IL23A: variants seen among roughly 807,000 people sequenced by gnomAD.
IL23A encodes interleukin-23 subunit alpha.
In IL23A, 16 loss-of-function variants were observed where a neutral mutation model predicts 20.7. The observed-to-expected ratio is 0.77, with a 90% CI of 0.52 to 1.17. The LOEUF (loss-of-function observed/expected upper bound fraction) is 1.17. IL23A is among the 50% of genes most tolerant of loss of function. IL23A has a pLI of 0.00. For synonymous variants in IL23A, 80 were observed against 88.7 expected (o/e 0.90, Z 0.55); for missense variants, 175 against 229.5 (o/e 0.76, Z 1.53).
intron 3 of IL23A, 39 bp downstream of exon 3, chr12:56,339,876 G>C: frequency 2.5e-6 from 4 of 1,609,768 alleles, no homozygotes; most frequent in Non-Finnish European, 3.4e-6. Flanking sequence ...GCTTGCAGGT[G>C]TCAGAGACAG....
In IL23A at chr12:56,338,951, A is replaced by T; in HGVS notation, c.-94A>T. ...CAAACCAGAGACGCGCTGAACAGAG[A>T]GAATCAGGCTCAAAGCAAGTGGAAG... On this transcript the variant is annotated 5_prime_UTR_variant, in exon 1 of 4. Transcript: ENST00000228534. 9.4e-7 allele frequency: 1 copy of T among 1,065,902 alleles called. No individual in the cohort carries two copies. Among genetic ancestry groups the T allele is most frequent in the African/African-American group, 1.6e-5 (1 of 61,676 alleles). The allele number at this position is 1,065,902 out of a possible 1,614,324, so 66.0% of individuals were successfully genotyped here.
chr12:56,339,138 C>A lies in IL23A; in HGVS notation c.94C>A (p.Gln32Lys). 6.3e-7 allele frequency: 1 copy of A among 1,587,716 alleles called. No homozygotes were observed. The highest frequency in any genetic ancestry group is 8.6e-7 in the Non-Finnish European group (1 of 1,163,342). ...TGGGGGCAGCAGCCCTGCCTGGACT[C>A]AGTGCCAGCAGCTTTCACAGAAGCT... ...VPGGSSPAWT[Q>K]CQQLSQKLCT... The change falls in exon 1 of 4, where the codon CAG becomes AAG. Residue 32 changes from glutamine to lysine, a missense_variant. By Grantham distance (53) the Gln-to-Lys change is moderately conservative. Transcript: ENST00000228534.
intron 1 of IL23A, 35 bp from the exon 2 acceptor site, chr12:56,339,391 C>G (rs200416627): frequency 1.3e-5 from 20 of 1,518,910 alleles, no homozygotes; most frequent in Non-Finnish European, 1.8e-5. Context: ...TACTATCTTA[C>G]TTCTTCATTC....
chr12:56,340,047 C>CT lies in IL23A; in HGVS notation c.516dup (p.Val173CysfsTer37). 1 of 1,614,200 alleles carries CT rather than the reference C, an allele frequency of 6.2e-7. No homozygotes were observed. The highest frequency in any genetic ancestry group is 8.5e-7 in the Non-Finnish European group (1 of 1,180,038). On this transcript the variant is annotated frameshift_variant, in exon 4 of 4. Coordinates refer to ENST00000228534, the MANE Select transcript of IL23A (RefSeq NM_016584.3). LOFTEE classifies it high-confidence loss of function. ...TCAAAATCCTTCGCAGCCTCCAGGC[C>CT]TTTGTGGCTGTAGCCGCCCGGGTCT...
At position 56,340,166 on chromosome 12, in the gene IL23A, C is replaced by T. The variant is rs1565642576; in HGVS notation, c.*62C>T. The T allele has an allele frequency of 6.5e-7, 1 of 1,547,312 alleles. No individual in the cohort carries two copies. ...GCCCAGCAAGGCCAAGATAAATCTA[C>T]CACCCCAGGCACCTGTGAGCCAACA... On this transcript the variant is annotated 3_prime_UTR_variant, in exon 4 of 4. Coordinates refer to ENST00000228534, the MANE Select transcript of IL23A (RefSeq NM_016584.3).
rs762696858 is a variant in IL23A, at chr12:56,339,079, T to C, written c.35T>C (p.Leu12Pro). 5.5e-6 allele frequency: 8 copies of C among 1,454,808 alleles called. No individual in the cohort carries two copies. The highest frequency in any genetic ancestry group is 7.3e-6 in the Non-Finnish European group (8 of 1,096,302). 90.1% of individuals were successfully genotyped at this position (1,454,808 alleles called of 1,614,324 possible). ...AGCAGAGCTGTAATGCTGCTGTTGCTGCTGCCCTGGACAGCTCAGGGCAGA... is the reference window on the plus strand; with the variant it reads ...AGCAGAGCTGTAATGCTGCTGTTGCCGCTGCCCTGGACAGCTCAGGGCAGA... ...LGSRAVMLLLLLPWTAQGRAV... is the reference protein window; with the variant it reads ...LGSRAVMLLLPLPWTAQGRAV... The change falls in exon 1 of 4, where the codon CTG becomes CCG. Residue 12 changes from leucine to proline, a missense_variant. By Grantham distance (98) the Leu-to-Pro change is moderately conservative. Coordinates refer to ENST00000228534, the MANE Select transcript of IL23A (RefSeq NM_016584.3).
Position 56,339,472 on chromosome 12 carries a change from A to G in IL23A, c.209A>G (p.His70Arg), listed in dbSNP as rs1475804434. The G allele has an allele frequency of 6.2e-7, 1 of 1,612,948 alleles. No homozygotes were observed. The highest frequency in any genetic ancestry group is 8.5e-7 in the Non-Finnish European group (1 of 1,179,022). The change falls in exon 2 of 4, where the codon CAT becomes CGT. Residue 70 changes from histidine (H) to arginine (R), a missense_variant. Transcript: ENST00000228534. Reference protein sequence around the residue: ...GDEETTNDVPHIQCGDGCDPQ... With the variant: ...GDEETTNDVPRIQCGDGCDPQ... ...GAAGAGACTACAAATGATGTTCCCC[A>G]TATCCAGTGTGGAGATGGCTGTGAC...
Position 56,339,158 on chromosome 12 carries a change from G to A in IL23A, c.114G>A (p.Gln38=). Residue 38 remains glutamine (Q), a synonymous_variant, in exon 1 of 4, where the codon CAG becomes CAA. Coordinates refer to ENST00000228534, the MANE Select transcript of IL23A (RefSeq NM_016584.3). ...PAWTQCQQLS[Q]KLCTLAWSAH... ...GGACTCAGTGCCAGCAGCTTTCACA[G>A]AAGCTCTGCACACTGGCCTGGAGTG... The A allele has an allele frequency of 6.3e-7, 1 of 1,581,640 alleles. No individual in the cohort carries two copies. Among genetic ancestry groups the A allele is most frequent in the South Asian group, 1.1e-5 (1 of 87,364 alleles).
Position 56,339,991 on chromosome 12 carries a change from A to G in IL23A, c.457A>G (p.Ser153Gly). The change falls in exon 4 of 4, where the codon AGC (serine) becomes GGC (glycine). Residue 153 changes from serine to glycine, a missense_variant. Coordinates refer to ENST00000228534, the MANE Select transcript of IL23A (RefSeq NM_016584.3). ...TCAGCAGATTCCAAGCCTCAGTCCC[A>G]GCCAGCCATGGCAGCGTCTCCTTCT... ...ETQQIPSLSPSQPWQRLLLRF... is the reference protein window; with the variant it reads ...ETQQIPSLSPGQPWQRLLLRF... 2 of 1,614,190 alleles carry G rather than the reference A, an allele frequency of 1.2e-6. No homozygotes were observed. Among genetic ancestry groups the G allele is most frequent in the Non-Finnish European group, 1.7e-6 (2 of 1,180,002 alleles).
At chr12:56,339,572 A>G (rs756303469) in intron 2 of IL23A, 48 bp downstream of exon 2, 1 of 1,586,738 alleles carries the variant, frequency 6.3e-7, no homozygotes, top group Non-Finnish European at 8.7e-7. Flanking sequence ...GACTGAGAAC[A>G]TGGCTGGGTA....
At chr12:56,339,877 TCAGAGACAGAGGG>T in intron 3 of IL23A, 40 bp downstream of exon 3, 2 of 1,609,746 alleles carry the variant, frequency 1.2e-6, no homozygotes, top group Non-Finnish European at 1.7e-6. Context: ...CTTGCAGGTG[TCAGAGACAGAGGG>T]TTGGGGGTTA....
Position 56,339,748 on chromosome 12 carries a change from G to T in IL23A, c.319G>T (p.Asp107Tyr). ...LIFYEKLLGS[D>Y]IFTGEPSLLP... ...TTTTTATGAGAAGCTGCTAGGATCG[G>T]ATATTTTCACAGGGGAGCCTTCTCT... The change falls in exon 3 of 4, where the codon GAT (aspartate) becomes TAT (tyrosine). Residue 107 changes from aspartate (D) to tyrosine (Y), a missense_variant. Physicochemically the swap from Asp to Tyr is radical, Grantham distance 160. Transcript: ENST00000228534. 1 of 1,614,072 alleles carries T rather than the reference G, an allele frequency of 6.2e-7. No homozygotes were observed.
intron 3 of IL23A, 35 bp from the exon 4 acceptor site, chr12:56,339,906 TTA>T (rs1160461810): frequency 6.2e-7 from 1 of 1,612,890 alleles, no homozygotes; most frequent in East Asian, 2.2e-5. Context: ...GGTTAAGGGT[TTA>T]GAGTCTTCTC....
In IL23A at chr12:56,339,966, T is replaced by G. The variant is rs771313436; in HGVS notation, c.432T>G (p.Thr144=). 1.2e-6 allele frequency: 2 copies of G among 1,614,162 alleles called. No homozygotes were observed. The highest frequency in any genetic ancestry group is 1.7e-5 in the Admixed American group (1 of 60,026). Reference sequence around the variant, plus strand: ...AGCCTGAGGGTCACCACTGGGAGACTCAGCAGATTCCAAGCCTCAGTCCCA... The same window carrying G: ...AGCCTGAGGGTCACCACTGGGAGACGCAGCAGATTCCAAGCCTCAGTCCCA... ...LLQPEGHHWE[T]QQIPSLSPSQ... is the part of the protein sequence containing the mutation. The change falls in exon 4 of 4, where the codon ACT becomes ACG. Residue 144 remains threonine (T), a synonymous_variant. Transcript: ENST00000228534.
In IL23A at chr12:56,340,231, T is replaced by C; in HGVS notation, c.*127T>C. The C allele has an allele frequency of 1.1e-6, 1 of 917,856 alleles. No homozygotes were observed. The allele number at this position is 917,856 out of a possible 1,614,324, so 56.9% of individuals were successfully genotyped here. A position where few individuals can be genotyped will look rare whatever the true frequency, so the allele number is the denominator to read the frequency against. On this transcript the variant is annotated 3_prime_UTR_variant, in exon 4 of 4. Coordinates refer to ENST00000228534, the MANE Select transcript of IL23A (RefSeq NM_016584.3). Reference sequence around the variant, plus strand: ...TTAATTTTAGTGGGACCTGCATATGTTGAAAATTACCAATACTGACTGACA... The same window carrying C: ...TTAATTTTAGTGGGACCTGCATATGCTGAAAATTACCAATACTGACTGACA...
At position 56,340,193 on chromosome 12, in the gene IL23A, GTTAA is replaced by G; in HGVS notation, c.*93_*96del. 1 of 1,353,896 alleles carries G rather than the reference GTTAA, an allele frequency of 7.4e-7. No homozygotes were observed. The allele number at this position is 1,353,896 out of a possible 1,614,324, so 83.9% of individuals were successfully genotyped here. On this transcript the variant is annotated 3_prime_UTR_variant, in exon 4 of 4. Coordinates refer to ENST00000228534, the MANE Select transcript of IL23A (RefSeq NM_016584.3). ...ACCCCAGGCACCTGTGAGCCAACAGGTTAATTAGTCCATTAATTTTAGTGGGACC... is the reference window on the plus strand; with the variant it reads ...ACCCCAGGCACCTGTGAGCCAACAGGTTAGTCCATTAATTTTAGTGGGACC...
chr12:56,339,260 C>A, intron 1 of IL23A, 54 bp downstream of exon 1: 1 of 1,523,956 alleles, frequency 6.6e-7, no homozygotes, highest in Non-Finnish European at 8.9e-7. Context: ...AAGGCTGTGG[C>A]AGAAGACCGT....
rs145233794 is a variant in IL23A, at chr12:56,339,085, C to T, written c.41C>T (p.Pro14Leu). The stretch of plus-strand genomic sequence containing the variant: ...GCTGTAATGCTGCTGTTGCTGCTGC[C>T]CTGGACAGCTCAGGGCAGAGCTGTG... ...SRAVMLLLLL[P>L]WTAQGRAVPG... is the part of the protein sequence containing the mutation. Residue 14 changes from proline to leucine, a missense_variant, in exon 1 of 4, where the codon CCC becomes CTC. Coordinates refer to ENST00000228534, the MANE Select transcript of IL23A (RefSeq NM_016584.3). 1.1e-4 allele frequency: 169 copies of T among 1,521,564 alleles called. 1 individual carries two copies. The South Asian group carries it at 1.5e-3, about 13-fold the overall frequency. The allele number at this position is 1,521,564 out of a possible 1,614,324, so 94.3% of individuals were successfully genotyped here.
In IL23A at chr12:56,340,067, G is replaced by T; in HGVS notation, c.533G>T (p.Arg178Leu). The change falls in exon 4 of 4, where the codon CGG becomes CTG. Residue 178 changes from arginine (R) to leucine (L), a missense_variant. By Grantham distance (102) the Arg-to-Leu change is moderately radical. Transcript: ENST00000228534. ...SLQAFVAVAARVFAHGAATLS... is the reference protein window; with the variant it reads ...SLQAFVAVAALVFAHGAATLS... ...CAGGCCTTTGTGGCTGTAGCCGCCC[G>T]GGTCTTTGCCCATGGAGCAGCAACC... 6.2e-7 allele frequency: 1 copy of T among 1,614,176 alleles called. No individual in the cohort carries two copies. The highest frequency in any genetic ancestry group is 8.5e-7 in the Non-Finnish European group (1 of 1,180,046).
Sources: allele counts gnomAD v4.1 joint callset, GRCh38; gene constraint gnomAD v4.1.1; transcripts MANE v1.5; gene names NCBI Gene and HGNC (gene_info 2026-07-23, HGNC 2026-07-21).